The following ALG8 variants were observed in gnomAD, a reference collection of about 807,000 sequenced individuals.
ALG8 encodes ALG8 alpha-1,3-glucosyltransferase.
Under a neutral mutation model 70.2 loss-of-function variants are expected in ALG8, and 48 were observed. That is an observed-to-expected ratio of 0.68 (90% CI 0.54 to 0.87). The LOEUF is 0.87. ALG8 is among the 40% of genes least tolerant of loss of function. ALG8 has a pLI of 0.00. For missense variants in ALG8, 572 were observed against 608.7 expected, an observed-to-expected ratio of 0.94 and a Z score of 0.64; for synonymous variants, 234 against 229.0, an observed-to-expected ratio of 1.02 and a Z score of -0.20.
chr11:78,109,413 G>A lies in ALG8; in HGVS notation c.1038+29C>T, dbSNP rs371928572. 3 of 1,613,814 alleles carry A rather than the reference G, an allele frequency of 1.9e-6. No individual in the cohort carries two copies. In the African/African-American group the frequency reaches 4.0e-5, roughly 22 times the overall value. Reference sequence around the variant, plus strand: ...CAAAAGAAAAGCAGAGAAAACTCAAGAAATGAGCACCATCTGTTGAGTTCT... The same window carrying A: ...CAAAAGAAAAGCAGAGAAAACTCAAAAAATGAGCACCATCTGTTGAGTTCT... On this transcript the variant is annotated intron_variant, in intron 9 of 12. Coordinates refer to ENST00000299626, the MANE Select transcript of ALG8 (RefSeq NM_024079.5).
At chr11:78,109,310 C>T (rs1860178155) in intron 9 of ALG8, 132 bp downstream of exon 9, 2 of 1,222,146 alleles carry the variant, frequency 1.6e-6, no homozygotes, top group Non-Finnish European at 2.4e-6. Flanking sequence ...GGAAATGCTT[C>T]AATCTGCAGA....
Position 78,112,765 on chromosome 11 carries a change from C to G in ALG8, c.783G>C (p.Gln261His), listed in dbSNP as rs1431630295. 1 of 1,613,520 alleles carries G rather than the reference C, an allele frequency of 6.2e-7. No individual in the cohort carries two copies. Among genetic ancestry groups the G allele is most frequent in the Non-Finnish European group, 8.5e-7 (1 of 1,179,622 alleles). ...LSLGPFLALN[Q>H]LPQVFSRLFP... ...AGAGTCGGGAAAAGACTTGAGGCAG[C>G]TGATTCTGTTGAAAAGAGAAATGAA... The change falls in exon 8 of 13, where the codon CAG becomes CAC. Residue 261 changes from glutamine (Q) to histidine (H), a missense_variant. Physicochemically the swap from Gln to His is conservative, Grantham distance 24 (BLOSUM62 0). Coordinates refer to ENST00000299626, the MANE Select transcript of ALG8 (RefSeq NM_024079.5).
At chr11:78,131,635 T>G (rs1462742200) in intron 1 of ALG8, among the ~76,000 whole-genome samples, 1 of 152,180 alleles carries the variant, frequency 6.6e-6, no homozygotes, top group Non-Finnish European at 1.5e-5. Flanking sequence ...CAGCTAATTC[T>G]TTGTATTTTT....
chr11:78,109,797 G>T (rs1419395311), intron 8 of ALG8, among the ~76,000 whole-genome samples: 2 of 152,134 alleles, frequency 1.3e-5, no homozygotes, highest in South Asian at 4.1e-4. Flanking sequence ...ATTGGAACAG[G>T]GAATTTGTGC....
At chr11:78,123,938 T>G in intron 3 of ALG8, 83 bp downstream of exon 3, 1 of 1,476,620 alleles carries the variant, frequency 6.8e-7, no homozygotes, top group East Asian at 2.3e-5. Flanking sequence ...TTGTTCCTCC[T>G]AAATTGGGAG....
Position 78,114,281 on chromosome 11 carries a change from T to C in ALG8, c.658A>G (p.Thr220Ala). Residue 220 changes from threonine (T) to alanine (A), a missense_variant, in exon 6 of 13, where the codon ACT (threonine) becomes GCT (alanine). By Grantham distance (58) the Thr-to-Ala change is moderately conservative. Transcript: ENST00000299626. ...CAAAACTTGCCTGGTTTATTTGCAG[T>C]GAAACAGTAGGATCGCAGCAGATAT... ...GVYLLRSYCF[T>A]ANKPDGSIRW... 3 of 1,614,086 alleles carry C rather than the reference T, an allele frequency of 1.9e-6. No individual in the cohort carries two copies. Among genetic ancestry groups the C allele is most frequent in the South Asian group, 1.1e-5 (1 of 91,084 alleles).
intron 1 of ALG8, among the ~76,000 whole-genome samples, chr11:78,132,632 C>T (rs183586547): frequency 3.3e-5 from 5 of 152,212 alleles, no homozygotes; most frequent in Non-Finnish European, 7.4e-5. Context: ...TACTTTCACA[C>T]CACAGGGCCT....
intron 8 of ALG8, among the ~76,000 whole-genome samples, chr11:78,109,880 A>T (rs1860203695): frequency 1.3e-5 from 2 of 152,216 alleles, no homozygotes; most frequent in South Asian, 4.1e-4. Flanking sequence ...AGCTTCTAGA[A>T]CAGTCTGAGC....
At chr11:78,122,952 AAGG>A (rs1335472601) in intron 3 of ALG8, among the ~76,000 whole-genome samples, 1 of 152,172 alleles carries the variant, frequency 6.6e-6, no homozygotes, top group Non-Finnish European at 1.5e-5. Context: ...CATTTATGAC[AAGG>A]GTCACTGAAT....
chr11:78,112,859 G>C, intron 7 of ALG8, 89 bp from the exon 8 acceptor site: 1 of 1,503,606 alleles, frequency 6.7e-7, no homozygotes, highest in Non-Finnish European at 9.0e-7. Context: ...ATGGTATAGT[G>C]TGTAGAAAGT....
rs535166087 is a variant in ALG8, at chr11:78,116,365, A to G, written c.547-1973T>C. Among the ~76,000 whole-genome samples, 7 of 150,932 alleles carry G rather than the reference A, an allele frequency of 4.6e-5. No individual in the cohort carries two copies. The South Asian group carries it at 1.3e-3, about 27-fold the overall frequency. ...AGCCTGGGTGACAATGCAAGATGCT[A>G]TCTCCAAAACAAACAAACAAACAAA... On this transcript the variant is annotated intron_variant, in intron 5 of 12. Coordinates refer to ENST00000299626, the MANE Select transcript of ALG8 (RefSeq NM_024079.5).
intron 7 of ALG8, among the ~76,000 whole-genome samples, 168 bp from the exon 8 acceptor site, chr11:78,112,938 T>G (rs567920517): frequency 6.6e-6 from 1 of 152,278 alleles, no homozygotes; most frequent in East Asian, 1.9e-4. Context: ...AGAACCTTCT[T>G]TTGGTCTCAC....
Position 78,127,213 on chromosome 11 carries a change from A to G in ALG8, c.174+145T>C, listed in dbSNP as rs1045268262. 1.6e-5 allele frequency: 11 copies of G among 682,426 alleles called. No individual in the cohort carries two copies. The Admixed American group carries it at 2.0e-4, about 12-fold the overall frequency. 42.3% of individuals were successfully genotyped at this position (682,426 alleles called of 1,614,324 possible). On this transcript the variant is annotated intron_variant, in intron 2 of 12. Transcript: ENST00000299626. ...AGGCTGGTCTCCAACCCCTGACCTC[A>G]TGATCTGCCCGCCTTGGCCTCCCAA...
intron 10 of ALG8, among the ~76,000 whole-genome samples, chr11:78,105,661 AAG>A: frequency 1.3e-5 from 2 of 148,228 alleles, no homozygotes; most frequent in African/African-American, 5.2e-5. Flanking sequence ...AAAAAAAAAA[AAG>A]AAAGGAAAAA....
chr11:78,130,418 A>C (rs1235318324), intron 1 of ALG8, among the ~76,000 whole-genome samples: 1 of 147,058 alleles, frequency 6.8e-6, no homozygotes, highest in Admixed American at 6.9e-5. Context: ...GAGTGGCTGG[A>C]AAGATGCCCG....
intron 11 of ALG8, 149 bp from the exon 12 acceptor site, chr11:78,104,201 C>T (rs1392905407): frequency 1.1e-6 from 1 of 929,582 alleles, no homozygotes; most frequent in African/African-American, 1.7e-5. Context: ...TCTAGAGATG[C>T]TGAGAATTAC....
chr11:78,119,282 C>T (rs369094234), intron 4 of ALG8, 33 bp from the exon 5 acceptor site: 2 of 1,475,866 alleles, frequency 1.4e-6, no homozygotes, highest in African/African-American at 1.4e-5. Context: ...CAACAGAGGA[C>T]ACCAAATTCA....
chr11:78,131,948 G>A (rs961219872), intron 1 of ALG8, among the ~76,000 whole-genome samples: 1 of 152,130 alleles, frequency 6.6e-6, no homozygotes, highest in African/African-American at 2.4e-5. Context: ...TCTGCCCTCT[G>A]GATAAAATCT....
At chr11:78,125,440 T>A (rs2136928514) in intron 2 of ALG8, among the ~76,000 whole-genome samples, 1 of 151,452 alleles carries the variant, frequency 6.6e-6, no homozygotes, top group East Asian at 1.9e-4. Context: ...GTATCGAAAC[T>A]CATAGGAAAC....
Sources: allele counts gnomAD v4.1 joint callset (sites outside exome capture counted in the v4.1 genomes callset), GRCh38; gene constraint gnomAD v4.1.1; transcripts MANE v1.5; gene names NCBI Gene and HGNC (gene_info 2026-07-23, HGNC 2026-07-21).